Variants in LARS2 observed in about 807,000 individuals in gnomAD.
The protein encoded by LARS2 is leucyl-tRNA synthetase 2, mitochondrial, also known as leucine--tRNA ligase, mitochondrial.
A neutral mutation model predicts 116.6 loss-of-function variants in LARS2; 81 were observed. The observed-to-expected ratio is 0.69, with a 90% confidence interval of 0.58 to 0.84. The LOEUF (loss-of-function observed/expected upper bound fraction) is 0.84. Among genes scored for constraint, LARS2 ranks in the 40% least tolerant of loss-of-function variants. The pLI is 0.00. For synonymous variants in LARS2, 396 were observed against 407.2 expected, an observed-to-expected ratio of 0.97 and a Z score of 0.33; for missense variants, 968 against 1,114.5, an observed-to-expected ratio of 0.87 and a Z score of 1.87.
intron 15 of LARS2, among the ~76,000 whole-genome samples, chr3:45,503,548 G>T (rs967243121): frequency 1.3e-5 from 2 of 151,972 alleles, no homozygotes; most frequent in Non-Finnish European, 2.9e-5. Flanking sequence ...AGTTGGGTTT[G>T]GTTTGGTTTT....
At chr3:45,486,739 C>G (rs1699821363) in intron 11 of LARS2, among the ~76,000 whole-genome samples, 1 of 152,208 alleles carries the variant, frequency 6.6e-6, no homozygotes, top group South Asian at 2.1e-4. Context: ...ATAATTCCTT[C>G]TGTTACTTTT....
intron 4 of LARS2, among the ~76,000 whole-genome samples, chr3:45,406,299 T>C (rs1279401113): frequency 2.6e-5 from 4 of 152,122 alleles, no homozygotes; most frequent in African/African-American, 9.7e-5. Flanking sequence ...CCTGAGGAGT[T>C]TGCTAAAAAG....
At chr3:45,513,579 G>T (rs1391557118) in intron 16 of LARS2, among the ~76,000 whole-genome samples, 1 of 152,178 alleles carries the variant, frequency 6.6e-6, no homozygotes, top group Non-Finnish European at 1.5e-5. Flanking sequence ...CCAGGCCCAA[G>T]ACACATTCTT....
chr3:45,452,442 T>C (rs140989154), intron 7 of LARS2, among the ~76,000 whole-genome samples: 5,109 of 152,156 alleles, frequency 0.034, 92 homozygotes, highest in Middle Eastern at 0.082. Context: ...TTAGCATCTA[T>C]GGAAATTATG....
intron 10 of LARS2, among the ~76,000 whole-genome samples, chr3:45,480,367 C>T (rs1027753041): frequency 2.0e-5 from 3 of 152,206 alleles, no homozygotes; most frequent in Non-Finnish European, 2.9e-5. Context: ...TATGGACTGC[C>T]GCCTTGGTGA....
At chr3:45,388,982 A>G (rs1697892599) in intron 1 of LARS2, 1 of 152,140 alleles carries the variant, frequency 6.6e-6, no homozygotes. Context: ...TCCCCGGACT[A>G]GGGGTTTGGA....
chr3:45,472,885 A>G (rs1463151927), intron 8 of LARS2, among the ~76,000 whole-genome samples: 1 of 152,242 alleles, frequency 6.6e-6, no homozygotes, highest in Non-Finnish European at 1.5e-5. Context: ...GAGGCAACAT[A>G]CATAAAAGTG....
In LARS2 at chr3:45,448,796, G is replaced by C. The variant is rs149022389; in HGVS notation, c.606+1816G>C. Among the ~76,000 whole-genome samples, 152 of 152,306 alleles carry C rather than the reference G, an allele frequency of 1.0e-3. 2 individuals are homozygous for C. The East Asian group carries it at 0.027, about 27-fold the overall frequency. ...TGCCTTTAAGTGGTTTTCCCCCCTG[G>C]GCAGGCCAGGTGTTCCTTGCCCTCA... On this transcript the variant is annotated intron_variant, in intron 7 of 21. Coordinates refer to ENST00000645846, the MANE Select transcript of LARS2 (RefSeq NM_015340.4).
chr3:45,458,695 A>G (rs1364233966), intron 7 of LARS2, 48 bp from the exon 8 acceptor site: 1 of 1,605,848 alleles, frequency 6.2e-7, no homozygotes, highest in South Asian at 1.1e-5. Context: ...TCAAAAAAAA[A>G]AAAGAGTACT....
chr3:45,517,083 G>A (rs192853989), intron 17 of LARS2, among the ~76,000 whole-genome samples: 10 of 152,294 alleles, frequency 6.6e-5, no homozygotes, highest in African/African-American at 2.2e-4. Flanking sequence ...AGTGGGAAGT[G>A]TGGTCTGGAA....
At chr3:45,440,064 C>G (rs908282057) in intron 6 of LARS2, among the ~76,000 whole-genome samples, 34 of 152,166 alleles carry the variant, frequency 2.2e-4, no homozygotes, top group Non-Finnish European at 2.9e-4. Flanking sequence ...GGAGAGTGGC[C>G]GTCAGTGTCT....
chr3:45,475,854 C>A (rs1207178094), intron 9 of LARS2, among the ~76,000 whole-genome samples: 3 of 152,158 alleles, frequency 2.0e-5, no homozygotes, highest in African/African-American at 7.2e-5. Flanking sequence ...TGAATAAATG[C>A]ATGAAGGAAG....
chr3:45,390,899 C>A (rs914052385), intron 1 of LARS2, among the ~76,000 whole-genome samples: 1 of 149,070 alleles, frequency 6.7e-6, no homozygotes, highest in Admixed American at 6.7e-5. Flanking sequence ...CTCGGCCTCC[C>A]AAAATGCTGG....
rs66954282 is a variant in LARS2 at position 45,476,064 on chromosome 3, CTTT to C, written c.859-390_859-388del. Among the ~76,000 whole-genome samples the C allele has an allele frequency of 6.6e-3, 971 of 146,610 alleles. 5 individuals carry two copies. Among genetic ancestry groups the C allele is most frequent in the East Asian group, 0.026 (134 of 5,072 alleles). On this transcript the variant is annotated intron_variant, in intron 9 of 21. Coordinates refer to ENST00000645846, the MANE Select transcript of LARS2 (RefSeq NM_015340.4). ...TTTTTCTTGTTAGAAAAGTAGATGC[CTTT>C]TTTTTTTTTTTTTACCGTACCCTTA...
At chr3:45,504,754 T>C (rs1700173399) in intron 15 of LARS2, among the ~76,000 whole-genome samples, 1 of 151,752 alleles carries the variant, frequency 6.6e-6, no homozygotes, top group Non-Finnish European at 1.5e-5. Flanking sequence ...TAGTGTTTTT[T>C]TTGTTTTGTT....
chr3:45,440,798 C>G (rs1241354134), intron 6 of LARS2, among the ~76,000 whole-genome samples: 1 of 152,076 alleles, frequency 6.6e-6, no homozygotes, highest in Non-Finnish European at 1.5e-5. Flanking sequence ...CTGGGAGCAG[C>G]CTAGTGTGGA....
chr3:45,390,141 A>G (rs1336180615), intron 1 of LARS2, among the ~76,000 whole-genome samples: 1 of 152,030 alleles, frequency 6.6e-6, no homozygotes, highest in Non-Finnish European at 1.5e-5. Context: ...TGTTTAAAAA[A>G]TGCATATTTC....
At chr3:45,534,443 A>G (rs1700669080) in intron 20 of LARS2, among the ~76,000 whole-genome samples, 1 of 152,202 alleles carries the variant, frequency 6.6e-6, no homozygotes, top group African/African-American at 2.4e-5. Flanking sequence ...TCCTGTCCCA[A>G]GGATCTGGGA....
chr3:45,495,941 C>T (rs2125736323), intron 13 of LARS2, among the ~76,000 whole-genome samples: 1 of 152,092 alleles, frequency 6.6e-6, no homozygotes, highest in African/African-American at 2.4e-5. Flanking sequence ...CTCACTGCAA[C>T]CTCCACCTCC....
Sources: gnomAD v4.1 joint callset for allele counts (sites outside exome capture counted in the v4.1 genomes callset) on GRCh38, gnomAD v4.1.1 for gene constraint, MANE v1.5 for transcripts, NCBI Gene and HGNC (gene_info 2026-07-23, HGNC 2026-07-21) for gene names.